Variants in SCAPER observed in about 807,000 individuals in gnomAD.
SCAPER encodes the protein S phase cyclin A-associated protein in the endoplasmic reticulum.
In SCAPER, 98 loss-of-function variants were observed where a neutral mutation model predicts 182.2. The observed-to-expected ratio is 0.54, with a 90% confidence interval of 0.46 to 0.64. The LOEUF (loss-of-function observed/expected upper bound fraction) is 0.64, where lower values mean the gene tolerates loss of function less well. Among genes scored for constraint, SCAPER ranks in the 30% least tolerant of loss-of-function variants. The pLI is 0.00. For synonymous variants in SCAPER, 605 were observed against 564.6 expected, an observed-to-expected ratio of 1.07 and a Z score of -1.01; for missense variants, 1,432 against 1,690.0, an observed-to-expected ratio of 0.85 and a Z score of 2.68.
At chr15:76,585,438 G>A (rs2048574221) in intron 22 of SCAPER, among the ~76,000 whole-genome samples, 2 of 152,142 alleles carry the variant, frequency 1.3e-5, no homozygotes, top group Non-Finnish European at 2.9e-5. Flanking sequence ...AAGATTATTG[G>A]CAGTGAACTT....
intron 23 of SCAPER, among the ~76,000 whole-genome samples, chr15:76,514,431 T>G (rs1330632749): frequency 1.3e-5 from 2 of 152,194 alleles, no homozygotes; most frequent in Non-Finnish European, 2.9e-5. Context: ...ATCCATCCAA[T>G]TATTAACTAG....
At chr15:76,762,855 C>T (rs753851205) in intron 14 of SCAPER, among the ~76,000 whole-genome samples, 1 of 152,114 alleles carries the variant, frequency 6.6e-6, no homozygotes, top group Admixed American at 6.5e-5. Flanking sequence ...TAAAGTCTTG[C>T]TATGTCGTCC....
intron 27 of SCAPER, among the ~76,000 whole-genome samples, chr15:76,388,894 G>A (rs571133678): frequency 6.6e-6 from 1 of 151,804 alleles, no homozygotes; most frequent in Admixed American, 6.6e-5. Flanking sequence ...CCAGGAGGTG[G>A]AGGTTGCAGT....
chr15:76,512,993 G>A (rs2042163807), intron 23 of SCAPER, among the ~76,000 whole-genome samples: 1 of 152,038 alleles, frequency 6.6e-6, no homozygotes, highest in Non-Finnish European at 1.5e-5. Flanking sequence ...AAGCCACCTC[G>A]GGACTCTCTT....
At chr15:76,876,550 G>A (rs2073177293) in intron 2 of SCAPER, among the ~76,000 whole-genome samples, 1 of 151,692 alleles carries the variant, frequency 6.6e-6, no homozygotes, top group Admixed American at 6.6e-5. Context: ...TTTATTTCAG[G>A]AATACTAAGC....
chr15:76,833,943 C>T (rs1598990196), intron 5 of SCAPER, among the ~76,000 whole-genome samples: 1 of 152,136 alleles, frequency 6.6e-6, no homozygotes, highest in South Asian at 2.1e-4. Flanking sequence ...CAGTGTTAGA[C>T]CGATCAAGGT....
chr15:76,439,851 G>A (rs996565491), intron 25 of SCAPER, among the ~76,000 whole-genome samples: 16 of 152,162 alleles, frequency 1.1e-4, no homozygotes, highest in African/African-American at 3.9e-4. Flanking sequence ...GTAGCTTTTG[G>A]TCCTTCTGAA....
chr15:76,731,712 C>G (rs552173618), intron 16 of SCAPER, among the ~76,000 whole-genome samples: 60 of 152,306 alleles, frequency 3.9e-4, no homozygotes, highest in African/African-American at 1.3e-3. Context: ...CATATGTAGA[C>G]AGGTTTAAAA....
Position 76,349,718 on chromosome 15 carries a change from A to G in SCAPER, c.4100-982T>C, listed in dbSNP as rs558155984. 4.6e-5 allele frequency: 7 copies of G among 151,912 alleles called. 1 individual carries two copies. Among genetic ancestry groups the G allele is most frequent in the African/African-American group, 1.7e-4 (7 of 41,432 alleles). The allele number at this position is 151,912 out of a possible 1,614,324, so 9.4% of individuals were successfully genotyped here. ...ATTAACATAGTGATGACCCTTTCTG[A>G]GCAAAGGAGAGACCAATTCCCCCTT... On this transcript the variant is annotated intron_variant, in intron 31 of 31. Transcript: ENST00000563290.
rs922354479 is a variant in SCAPER at position 76,347,979 on chromosome 15, T to A, written c.*654A>T. 6.6e-6 allele frequency: 1 copy of A among 152,246 alleles called. No homozygotes were observed. The highest frequency in any genetic ancestry group is 1.5e-5 in the Non-Finnish European group (1 of 68,046). The allele number at this position is 152,246 out of a possible 1,614,324, so 9.4% of individuals were successfully genotyped here. On this transcript the variant is annotated 3_prime_UTR_variant, in exon 32 of 32. Coordinates refer to ENST00000563290, the MANE Select transcript of SCAPER (RefSeq NM_020843.4). ...GAGAAAATACTCTAGGGTGATTCAC[T>A]AGGACACATCTTTTTTATCACTAAT...
At chr15:76,752,776 GAA>G (rs755045051) in intron 15 of SCAPER, among the ~76,000 whole-genome samples, 1 of 151,548 alleles carries the variant, frequency 6.6e-6, no homozygotes, top group South Asian at 2.1e-4. Flanking sequence ...TTTACAAGAT[GAA>G]AAAGAGTAAT....
chr15:76,595,492 C>T (rs2049427252), intron 22 of SCAPER, among the ~76,000 whole-genome samples: 1 of 121,410 alleles, frequency 8.2e-6, no homozygotes, highest in African/African-American at 2.5e-5. Context: ...ACTCTCCACC[C>T]CAAATCAATA....
At chr15:76,901,310 T>G (rs1225372303) in intron 1 of SCAPER, among the ~76,000 whole-genome samples, 2 of 152,242 alleles carry the variant, frequency 1.3e-5, no homozygotes, top group African/African-American at 4.8e-5. Flanking sequence ...CAATTCTGAT[T>G]ACTTCTATAT....
intron 25 of SCAPER, among the ~76,000 whole-genome samples, chr15:76,457,008 G>T (rs1020577253): frequency 6.7e-6 from 1 of 150,066 alleles, no homozygotes; most frequent in African/African-American, 2.4e-5. Flanking sequence ...AGAGCACATG[G>T]TTAGGTCTTT....
intron 21 of SCAPER, among the ~76,000 whole-genome samples, chr15:76,632,228 C>A (rs768636255): frequency 2.4e-4 from 36 of 152,118 alleles, no homozygotes; most frequent in Non-Finnish European, 4.3e-4. Flanking sequence ...CTCACTCTGT[C>A]GCCCAGGCTG....
Position 76,621,820 on chromosome 15 carries a change from T to A in SCAPER, c.2655A>T (p.Glu885Asp). 6.2e-7 allele frequency: 1 copy of A among 1,605,262 alleles called. No individual in the cohort carries two copies. Among genetic ancestry groups the A allele is most frequent in the Non-Finnish European group, 8.5e-7 (1 of 1,175,550 alleles). Residue 885 changes from glutamate (E) to aspartate (D), a missense_variant, in exon 22 of 32, where the codon GAA (glutamate) becomes GAT (aspartate). Glu to Asp is a conservative substitution (Grantham distance 45). This residue lies in a region of SCAPER where 718 missense variants were observed against 799.7 expected (regional missense o/e 0.90). Transcript: ENST00000563290. Reference protein sequence around the residue: ...IKARMNFRAKEYESLMETKNS... With the variant: ...IKARMNFRAKDYESLMETKNS... The stretch of plus-strand genomic sequence containing the variant: ...TTTTGGTTTCCATTAAACTCTCATA[T>A]TCCTTAGCCCTGAAGAGAAAAAAAG...
At chr15:76,743,740 T>C (rs978554408) in intron 15 of SCAPER, among the ~76,000 whole-genome samples, 3 of 152,106 alleles carry the variant, frequency 2.0e-5, no homozygotes. Flanking sequence ...TTTGATGCTA[T>C]CCTATCAAAC....
intron 22 of SCAPER, among the ~76,000 whole-genome samples, chr15:76,613,424 TATCTCA>T (rs1452050330): frequency 6.6e-6 from 1 of 152,072 alleles, no homozygotes; most frequent in African/African-American, 2.4e-5. Context: ...TGACAAATGG[TATCTCA>T]TTAAACTAAA....
At chr15:76,864,985 T>C (rs2151894781) in intron 2 of SCAPER, among the ~76,000 whole-genome samples, 1 of 152,328 alleles carries the variant, frequency 6.6e-6, no homozygotes, top group Non-Finnish European at 1.5e-5. Flanking sequence ...AGTAAATACT[T>C]CACTATGTAT....
Sources: gnomAD v4.1 joint callset for allele counts (sites outside exome capture counted in the v4.1 genomes callset) on GRCh38, gnomAD v4.1.1 for gene constraint, gnomAD v4.1.1 regional missense constraint, MANE v1.5 for transcripts, NCBI Gene and HGNC (gene_info 2026-07-23, HGNC 2026-07-21) for gene names.